MGAT5: variants seen among roughly 807,000 people sequenced by gnomAD.
MGAT5 encodes alpha-1,6-mannosylglycoprotein 6-beta-N-acetylglucosaminyltransferase.
Under a neutral mutation model 94.3 loss-of-function variants are expected in MGAT5, and 30 were observed. The observed-to-expected ratio is 0.32, with a 90% CI of 0.24 to 0.43. The LOEUF (loss-of-function observed/expected upper bound fraction) is 0.43. Among genes scored for constraint, MGAT5 ranks in the 20% least tolerant of loss-of-function variants. The probability of loss-of-function intolerance (pLI) is 1.00; values close to 1 mark genes in which losing one functional copy is unlikely to be tolerated. For missense variants in MGAT5, 691 were observed against 905.5 expected (o/e 0.76, Z 3.04); for synonymous variants, 310 against 322.9 (o/e 0.96, Z 0.43).
rs1681570402 is a variant in MGAT5, at chr2:134,381,388, A to AG, written c.1380+18981dup. Reference sequence around the variant, plus strand: ...ATAGATAAGATAAGATAGATTAGATAGATAGATAGATAGATAGATAGATAG... The same window carrying AG: ...ATAGATAAGATAAGATAGATTAGATAGGATAGATAGATAGATAGATAGATAG... On this transcript the variant is annotated intron_variant, in intron 10 of 15. Coordinates refer to ENST00000281923, the MANE Select transcript of MGAT5 (RefSeq NM_002410.5). Among the ~76,000 whole-genome samples, 3 of 102,798 alleles carry AG rather than the reference A, an allele frequency of 2.9e-5. No homozygotes were observed. The Admixed American group carries it at 3.0e-4, about 10-fold the overall frequency. 67.4% of individuals were successfully genotyped at this position (102,798 alleles called of 152,430 possible).
At chr2:134,363,578 G>A (rs1279445740) in intron 10 of MGAT5, among the ~76,000 whole-genome samples, 1 of 152,252 alleles carries the variant, frequency 6.6e-6, no homozygotes, top group Non-Finnish European at 1.5e-5. Flanking sequence ...TTTTGGTTGT[G>A]ATGTCTGGTC....
chr2:134,189,610 T>TTTTTTTTTGTTTTTG (rs1553490438), intron 1 of MGAT5, among the ~76,000 whole-genome samples: 3 of 135,584 alleles, frequency 2.2e-5, no homozygotes, highest in Non-Finnish European at 4.7e-5. Context: ...TTGTTTTTTT[T>TTTTTTTTTGTTTTTG]TTTTTTTTTT....
At chr2:134,317,645 A>C in intron 3 of MGAT5, 40 bp downstream of exon 3, 1 of 1,329,530 alleles carries the variant, frequency 7.5e-7, no homozygotes, top group Admixed American at 2.7e-5. Context: ...CTGCACAAAC[A>C]CCCCTTCTTT....
intron 1 of MGAT5, among the ~76,000 whole-genome samples, chr2:134,219,876 T>C (rs1484056173): frequency 1.3e-5 from 2 of 152,226 alleles, no homozygotes; most frequent in Non-Finnish European, 2.9e-5. Context: ...TGAACTTTCT[T>C]GACCTGTTTC....
chr2:134,189,602 G>GTTTTGTTTTGTTTTTTTTTTTTTTT (rs1553490380), intron 1 of MGAT5, among the ~76,000 whole-genome samples: 9 of 84,672 alleles, frequency 1.1e-4, no homozygotes, highest in South Asian at 4.2e-4. Flanking sequence ...GTTTTTTTTT[G>GTTTTGTTTTGTTTTTTTTTTTTTTT]TTTTTTTTTT....
intron 1 of MGAT5, among the ~76,000 whole-genome samples, chr2:134,128,265 GAA>G (rs1316399239): frequency 1.3e-5 from 2 of 151,666 alleles, no homozygotes; most frequent in African/African-American, 4.9e-5. Context: ...AAAAAGAAAA[GAA>G]AGAGAGAGAG....
chr2:134,251,120 G>A (rs977314871), upstream of MGAT5, among the ~76,000 whole-genome samples: 4 of 151,796 alleles, frequency 2.6e-5, no homozygotes, highest in East Asian at 3.9e-4. Flanking sequence ...TTTTGATGTA[G>A]CACCTCATTG....
At chr2:134,434,988 A>T (rs1055309175) in intron 14 of MGAT5, among the ~76,000 whole-genome samples, 2 of 152,082 alleles carry the variant, frequency 1.3e-5, no homozygotes, top group Non-Finnish European at 2.9e-5. Flanking sequence ...AGCTTACATG[A>T]GTGTTTCATG....
rs768213756 is a variant in MGAT5, at chr2:134,338,395, A to T, written c.782A>T (p.Asn261Ile). The stretch of plus-strand genomic sequence containing the variant: ...ATCAAGTCCCTGGCAGAAAAGCAGA[A>T]CCTTGAAAAGAGAAAGCGGAAGAAA... ...QAIKSLAEKQ[N>I]LEKRKRKKVL... Residue 261 changes from asparagine to isoleucine, a missense_variant, in exon 6 of 16, where the codon AAC (asparagine) becomes ATC (isoleucine). By Grantham distance (149) the Asn-to-Ile change is moderately radical. Transcript: ENST00000281923. 1.1e-5 allele frequency: 18 copies of T among 1,607,814 alleles called. No homozygotes were observed. The highest frequency in any genetic ancestry group is 1.4e-5 in the Non-Finnish European group (17 of 1,177,886).
At chr2:134,169,924 G>A (rs998621502) in intron 1 of MGAT5, among the ~76,000 whole-genome samples, 6 of 152,112 alleles carry the variant, frequency 3.9e-5, no homozygotes, top group African/African-American at 1.4e-4. Context: ...CATTGGTGAA[G>A]TAAAGGATAA....
intron 11 of MGAT5, among the ~76,000 whole-genome samples, chr2:134,412,041 C>T (rs574259683): frequency 2.0e-5 from 3 of 152,284 alleles, no homozygotes; most frequent in African/African-American, 4.8e-5. Flanking sequence ...TGTGATGGTA[C>T]GTGCCGAGGC....
intron 2 of MGAT5, among the ~76,000 whole-genome samples, chr2:134,302,973 A>G (rs1295912393): frequency 1.3e-5 from 2 of 152,068 alleles, no homozygotes; most frequent in African/African-American, 4.8e-5. Context: ...GTTCCTCAAC[A>G]TATTTGGGAA....
At chr2:134,241,325 A>C in intron 1 of MGAT5, among the ~76,000 whole-genome samples, 1 of 152,266 alleles carries the variant, frequency 6.6e-6, no homozygotes. Flanking sequence ...ATTCTGCCGG[A>C]AAACATGTTC....
At chr2:134,409,612 A>G (rs1243224555) in intron 11 of MGAT5, among the ~76,000 whole-genome samples, 1 of 152,170 alleles carries the variant, frequency 6.6e-6, no homozygotes, top group Non-Finnish European at 1.5e-5. Flanking sequence ...AACTGGCCAG[A>G]AAAGTATGTG....
intron 1 of MGAT5, among the ~76,000 whole-genome samples, chr2:134,194,071 A>G (rs1488480250): frequency 1.3e-5 from 2 of 152,202 alleles, no homozygotes; most frequent in African/African-American, 2.4e-5. Context: ...TGCACTTTCA[A>G]TACAAAACTC....
intron 12 of MGAT5, among the ~76,000 whole-genome samples, chr2:134,414,126 A>G (rs913469442): frequency 6.6e-6 from 1 of 151,720 alleles, no homozygotes; most frequent in South Asian, 2.1e-4. Context: ...AACCTTTGAC[A>G]AGGGTTGTGC....
At chr2:134,302,716 CTG>C (rs3034344) in intron 2 of MGAT5, among the ~76,000 whole-genome samples, 9,415 of 133,278 alleles carry the variant, frequency 0.071, 368 homozygotes, top group African/African-American at 0.13. Context: ...TTAAGAAATG[CTG>C]TGTGTGTGTG....
intron 5 of MGAT5, 51 bp downstream of exon 5, chr2:134,336,339 C>A: frequency 7.1e-7 from 1 of 1,417,560 alleles, no homozygotes; most frequent in Non-Finnish European, 9.9e-7. Context: ...AGGTCAGATG[C>A]CAAGTGATAC....
chr2:134,283,869 C>T (rs551719048), intron 2 of MGAT5, among the ~76,000 whole-genome samples: 16 of 151,994 alleles, frequency 1.1e-4, no homozygotes, highest in African/African-American at 3.6e-4. Flanking sequence ...CATCGCTGCA[C>T]TAGGCTCTCT....
Sources: gnomAD v4.1 joint callset for allele counts (sites outside exome capture counted in the v4.1 genomes callset) on GRCh38, gnomAD v4.1.1 for gene constraint, MANE v1.5 for transcripts, NCBI Gene and HGNC (gene_info 2026-07-23, HGNC 2026-07-21) for gene names.